HS3ST3A1: variants seen among roughly 807,000 people sequenced by gnomAD.
HS3ST3A1 encodes heparan sulfate glucosamine 3-O-sulfotransferase 3A1.
In HS3ST3A1, 19 loss-of-function variants were observed where a neutral mutation model predicts 25.7. That is an observed-to-expected ratio of 0.74 (90% CI 0.52 to 1.08). The LOEUF (loss-of-function observed/expected upper bound fraction) is 1.08, where lower values mean the gene tolerates loss of function less well. Among genes scored for constraint, HS3ST3A1 ranks in the 50% least tolerant of loss-of-function variants. The pLI is 0.00. For synonymous variants in HS3ST3A1, 226 were observed against 278.6 expected, an observed-to-expected ratio of 0.81 and a Z score of 1.88; for missense variants, 459 against 594.3, an observed-to-expected ratio of 0.77 and a Z score of 2.37.
In HS3ST3A1 at chr17:13,601,252, T is replaced by A; in HGVS notation, c.-123A>T. On this transcript the variant is annotated 5_prime_UTR_variant, in exon 1 of 2. Coordinates refer to ENST00000284110, the MANE Select transcript of HS3ST3A1 (RefSeq NM_006042.3). ...GAGGCCACATCGCCGTGCGCCCCTG[T>A]GGCCGTGCGAACTGTCCCGGGAGGC... is the stretch of plus-strand genomic sequence containing the variant. 1.4e-6 allele frequency: 1 copy of A among 720,362 alleles called. No individual in the cohort carries two copies. The highest frequency in any genetic ancestry group is 2.1e-6 in the Non-Finnish European group (1 of 475,496). The allele number at this position is 720,362 out of a possible 1,614,324, so 44.6% of individuals were successfully genotyped here.
chr17:13,534,021 A>T (rs912104699), intron 1 of HS3ST3A1, among the ~76,000 whole-genome samples: 4 of 152,202 alleles, frequency 2.6e-5, no homozygotes, highest in African/African-American at 9.6e-5. Context: ...ATCCCGAAGC[A>T]ATCACAGGCA....
intron 1 of HS3ST3A1, among the ~76,000 whole-genome samples, chr17:13,570,102 C>A (rs549261159): frequency 8.5e-5 from 13 of 152,322 alleles, no homozygotes; most frequent in African/African-American, 2.6e-4. Flanking sequence ...GAAGAAAAAT[C>A]TTCTAGAATT....
At chr17:13,500,590 C>T (rs568203631) in intron 1 of HS3ST3A1, among the ~76,000 whole-genome samples, 2 of 152,294 alleles carry the variant, frequency 1.3e-5, no homozygotes, top group East Asian at 1.9e-4. Flanking sequence ...CCTAGGAGAA[C>T]TTTCTTTCCA....
chr17:13,584,605 T>C (rs1281112847), intron 1 of HS3ST3A1, among the ~76,000 whole-genome samples: 2 of 133,460 alleles, frequency 1.5e-5, no homozygotes, highest in African/African-American at 2.6e-5. Flanking sequence ...AAAGGAAGGA[T>C]TGATTTGGCT....
chr17:13,591,773 C>T (rs1908432770), intron 1 of HS3ST3A1, among the ~76,000 whole-genome samples: 1 of 151,772 alleles, frequency 6.6e-6, no homozygotes, highest in Admixed American at 6.6e-5. Context: ...ATTCTTGTAC[C>T]TCAGCTTCCC....
At position 13,549,538 on chromosome 17, in the gene HS3ST3A1, C is replaced by T. The variant is rs8076396; in HGVS notation, c.599+50993G>A. On this transcript the variant is annotated intron_variant, in intron 1 of 1. Transcript: ENST00000284110. ...TTCCTCTTGCCGCATTCCTTTGTTC[C>T]ACCGCTGTTCGACAATCCTCTGACC... Among the ~76,000 whole-genome samples the T allele has an allele frequency of 8.1e-3, 1,233 of 152,226 alleles. 18 individuals are homozygous for T. The highest frequency in any genetic ancestry group is 0.028 in the African/African-American group (1,161 of 41,520).
At chr17:13,548,550 T>C (rs1907150080) in intron 1 of HS3ST3A1, among the ~76,000 whole-genome samples, 1 of 152,152 alleles carries the variant, frequency 6.6e-6, no homozygotes, top group Non-Finnish European at 1.5e-5. Flanking sequence ...CCGTCTCTAA[T>C]CCTATCCCCC....
At chr17:13,580,931 G>T (rs949304532) in intron 1 of HS3ST3A1, among the ~76,000 whole-genome samples, 1 of 152,034 alleles carries the variant, frequency 6.6e-6, no homozygotes, top group Non-Finnish European at 1.5e-5. Flanking sequence ...GTCAATTGAG[G>T]TCTCTGGTAG....
intron 1 of HS3ST3A1, among the ~76,000 whole-genome samples, chr17:13,520,953 G>A (rs923330399): frequency 2.0e-5 from 3 of 152,152 alleles, no homozygotes; most frequent in Admixed American, 6.5e-5. Flanking sequence ...AATTTGGTGA[G>A]AGTTTGCTCT....
intron 1 of HS3ST3A1, among the ~76,000 whole-genome samples, chr17:13,561,316 G>T (rs1907541695): frequency 6.6e-6 from 1 of 151,878 alleles, no homozygotes; most frequent in Non-Finnish European, 1.5e-5. Flanking sequence ...ACACTGCACT[G>T]CATTTTTCCT....
intron 1 of HS3ST3A1, among the ~76,000 whole-genome samples, chr17:13,577,633 G>C (rs947672187): frequency 3.3e-5 from 5 of 152,080 alleles, no homozygotes; most frequent in Non-Finnish European, 7.4e-5. Flanking sequence ...GAAACCAACA[G>C]AAATCACCAA....
At chr17:13,546,771 A>G (rs1332474738) in intron 1 of HS3ST3A1, among the ~76,000 whole-genome samples, 3 of 152,246 alleles carry the variant, frequency 2.0e-5, no homozygotes, top group Admixed American at 2.0e-4. Flanking sequence ...CTAGAACACC[A>G]ACTTTTCGTA....
intron 1 of HS3ST3A1, among the ~76,000 whole-genome samples, chr17:13,547,030 A>G (rs993926230): frequency 3.9e-5 from 6 of 152,230 alleles, no homozygotes; most frequent in Admixed American, 6.5e-5. Context: ...GGAACCCGTC[A>G]CAGAATATAC....
At chr17:13,538,050 G>A (rs933256017) in intron 1 of HS3ST3A1, among the ~76,000 whole-genome samples, 5 of 152,168 alleles carry the variant, frequency 3.3e-5, no homozygotes, top group African/African-American at 1.2e-4. Context: ...AAAGATGCTT[G>A]TATTAAGAAA....
rs554419554 is a variant in HS3ST3A1 at position 13,588,932 on chromosome 17, G to C, written c.599+11599C>G. 2.1e-3 allele frequency among the ~76,000 whole-genome samples: 316 copies of C among 152,172 alleles called. 1 individual carries two copies. Among genetic ancestry groups the C allele is most frequent in the African/African-American group, 7.3e-3 (305 of 41,508 alleles). ...ACCGTCTCGGCCTCCCAAAGTGCTG[G>C]GATTACAGGCATGATATATAGTTCC... On this transcript the variant is annotated intron_variant, in intron 1 of 1. Coordinates refer to ENST00000284110, the MANE Select transcript of HS3ST3A1 (RefSeq NM_006042.3).
In HS3ST3A1 at chr17:13,495,865, T is replaced by A. The variant is rs1244316015; in HGVS notation, c.*332A>T. ...TCAATTTTATCAGGGCCTTGTATTT[T>A]AAAAAAAGAGAGAGAGATGTTTAAC... On this transcript the variant is annotated 3_prime_UTR_variant, in exon 2 of 2. Coordinates refer to ENST00000284110, the MANE Select transcript of HS3ST3A1 (RefSeq NM_006042.3). 1.0e-5 allele frequency: 2 copies of A among 199,392 alleles called. No individual in the cohort carries two copies. Among genetic ancestry groups the A allele is most frequent in the Admixed American group, 5.5e-5 (1 of 18,060 alleles). The allele number at this position is 199,392 out of a possible 1,614,324, so 12.4% of individuals were successfully genotyped here.
chr17:13,535,264 G>T (rs1044149222), intron 1 of HS3ST3A1, among the ~76,000 whole-genome samples: 5 of 152,130 alleles, frequency 3.3e-5, no homozygotes, highest in Admixed American at 2.0e-4. Flanking sequence ...CCTGAAGGGA[G>T]TTTGTTAACA....
At chr17:13,544,413 G>GA (rs1227539300) in intron 1 of HS3ST3A1, among the ~76,000 whole-genome samples, 1 of 152,192 alleles carries the variant, frequency 6.6e-6, no homozygotes, top group African/African-American at 2.4e-5. Flanking sequence ...GGTCTGGGAC[G>GA]ACCTTCCTAA....
intron 1 of HS3ST3A1, among the ~76,000 whole-genome samples, chr17:13,573,424 T>C (rs1907868231): frequency 6.6e-6 from 1 of 152,172 alleles, no homozygotes; most frequent in African/African-American, 2.4e-5. Flanking sequence ...TCTCTGTCTA[T>C]CCACAACCAT....
Sources: allele counts gnomAD v4.1 joint callset (sites outside exome capture counted in the v4.1 genomes callset), GRCh38; gene constraint gnomAD v4.1.1; transcripts MANE v1.5; gene names NCBI Gene and HGNC (gene_info 2026-07-23, HGNC 2026-07-21).